NPHP4: variants seen among roughly 807,000 people sequenced by gnomAD.
NPHP4 encodes the protein nephrocystin-4.
In NPHP4, 151 loss-of-function variants were observed where a neutral mutation model predicts 155.8. The ratio of observed to expected loss-of-function variants is 0.97; its 90% CI spans 0.85 to 1.11. The LOEUF is 1.11. Ranked by LOEUF, NPHP4 falls within the 50% of genes least tolerant of loss-of-function variation. The pLI is 0.00. For synonymous variants in NPHP4, 845 were observed against 816.8 expected (o/e 1.03, Z -0.59); for missense variants, 1,956 against 1,925.7 (o/e 1.02, Z -0.29).
intron 9 of NPHP4, among the ~76,000 whole-genome samples, chr1:5,937,615 G>C (rs1395463020): frequency 6.6e-6 from 1 of 152,112 alleles, no homozygotes; most frequent in Admixed American, 6.5e-5. Context: ...CGTTCTCTGG[G>C]TAATGACAGG....
At chr1:5,914,257 C>CAAAAAA (rs575438284) in intron 11 of NPHP4, among the ~76,000 whole-genome samples, 1,997 of 47,372 alleles carry the variant, frequency 0.042, 360 homozygotes, top group South Asian at 0.069. Flanking sequence ...CTTATCTATA[C>CAAAAAA]AAAAAAAAAA....
At chr1:5,879,627 C>T in intron 19 of NPHP4, 1 of 519,084 alleles carries the variant, frequency 1.9e-6, no homozygotes, top group South Asian at 1.4e-5. Context: ...GCCTGCAGAG[C>T]CCAGCCTAGA....
chr1:5,947,985 C>T, intron 8 of NPHP4, 85 bp downstream of exon 8: 3 of 1,078,902 alleles, frequency 2.8e-6, no homozygotes, highest in Non-Finnish European at 1.4e-6. Flanking sequence ...GTGGGTGAGT[C>T]AACACCTGAC....
chr1:5,935,632 T>C (rs1053701871), intron 9 of NPHP4, among the ~76,000 whole-genome samples: 2 of 152,126 alleles, frequency 1.3e-5, no homozygotes, highest in Admixed American at 6.5e-5. Flanking sequence ...CCCAGCACTT[T>C]GGGAGGTCGA....
At chr1:5,873,609 G>A in intron 22 of NPHP4, 1 of 534,548 alleles carries the variant, frequency 1.9e-6, no homozygotes, top group South Asian at 2.4e-5. Flanking sequence ...CCCATCCCAA[G>A]AGCCAGCATG....
rs142163888 is a variant in NPHP4, at chr1:5,939,000, G to C, written c.1120-5671C>G. 3.7e-3 allele frequency among the ~76,000 whole-genome samples: 560 copies of C among 152,236 alleles called. 1 individual carries two copies. Among genetic ancestry groups the C allele is most frequent in the African/African-American group, 0.012 (516 of 41,524 alleles). On this transcript the variant is annotated intron_variant, in intron 9 of 29. Transcript: ENST00000378156. ...GAAATACCACTACTAAAAACATAAT[G>C]CTATAAATAGAATGATGTCTTTTGT...
chr1:5,927,836 C>T (rs376152667), intron 10 of NPHP4, 49 bp from the exon 11 acceptor site: 105 of 1,558,916 alleles, frequency 6.7e-5, no homozygotes, highest in Non-Finnish European at 8.9e-5. Context: ...CATCAGCACG[C>T]CTATCAGAAC....
intron 9 of NPHP4, among the ~76,000 whole-genome samples, chr1:5,938,043 C>A (rs12065728): frequency 6.6e-6 from 1 of 152,168 alleles, no homozygotes; most frequent in African/African-American, 2.4e-5. Context: ...ACCATACAGG[C>A]GCAGGAAACA....
chr1:5,922,334 T>C (rs1386180115), intron 11 of NPHP4, among the ~76,000 whole-genome samples: 1 of 152,236 alleles, frequency 6.6e-6, no homozygotes, highest in African/African-American at 2.4e-5. Context: ...CGTCACTAAT[T>C]TGTTGTAACA....
chr1:5,873,965 CTCACA>C (rs979285973), intron 22 of NPHP4: 23 of 217,846 alleles, frequency 1.1e-4, no homozygotes, highest in Admixed American at 5.0e-4. Flanking sequence ...GCACACACAC[CTCACA>C]TATCGCCCCT....
intron 1 of NPHP4, among the ~76,000 whole-genome samples, chr1:5,988,927 G>A (rs926266593): frequency 6.6e-6 from 1 of 152,170 alleles, no homozygotes; most frequent in Non-Finnish European, 1.5e-5. Flanking sequence ...GACTCAGTCT[G>A]GTCCTGTGTG....
intron 6 of NPHP4, among the ~76,000 whole-genome samples, chr1:5,953,489 C>T (rs1203549816): frequency 1.3e-5 from 2 of 152,196 alleles, no homozygotes; most frequent in African/African-American, 4.8e-5. Context: ...GCCTGCTGCC[C>T]GGCATGGCTT....
At chr1:5,950,979 G>A (rs540586861) in intron 7 of NPHP4, among the ~76,000 whole-genome samples, 5 of 152,306 alleles carry the variant, frequency 3.3e-5, no homozygotes, top group South Asian at 2.1e-4. Flanking sequence ...CCTCCCACGG[G>A]AGCATGGTCT....
rs1427373185 is a variant in NPHP4 at position 5,867,997 on chromosome 1, C to T, written c.3316-101G>A. The T allele has an allele frequency of 7.8e-7, 1 of 1,283,834 alleles. No individual in the cohort carries two copies. Among genetic ancestry groups the T allele is most frequent in the Non-Finnish European group, 1.1e-6 (1 of 888,232 alleles). 79.5% of individuals were successfully genotyped at this position (1,283,834 alleles called of 1,614,324 possible). On this transcript the variant is annotated intron_variant, in intron 23 of 29. Coordinates refer to ENST00000378156, the MANE Select transcript of NPHP4 (RefSeq NM_015102.5). The surrounding 1 kb of genome is among the most constrained non-coding windows in gnomAD (Gnocchi z 4.1). Reference sequence around the variant, plus strand: ...CACGTATCTCCACTGTTGCCAAGACCCCCTCACCCTCCACTGCCATGAGCG... The same window carrying T: ...CACGTATCTCCACTGTTGCCAAGACTCCCTCACCCTCCACTGCCATGAGCG...
chr1:5,935,861 T>C (rs1389977581), intron 9 of NPHP4, among the ~76,000 whole-genome samples: 1 of 152,090 alleles, frequency 6.6e-6, no homozygotes, highest in Admixed American at 6.5e-5. Flanking sequence ...GGCGACAGAG[T>C]GAGACTCCAT....
intron 2 of NPHP4, among the ~76,000 whole-genome samples, chr1:5,981,580 C>A (rs767155960): frequency 6.6e-6 from 1 of 152,202 alleles, no homozygotes; most frequent in African/African-American, 2.4e-5. Flanking sequence ...ACACCTTTCA[C>A]AGGGAAGCAA....
In NPHP4 at chr1:5,967,324, G is replaced by A. The variant is rs863224422; in HGVS notation, c.492C>T (p.His164=). 14 of 1,607,456 alleles carry A rather than the reference G, an allele frequency of 8.7e-6. No homozygotes were observed. The highest frequency in any genetic ancestry group is 4.0e-5 in the African/African-American group (3 of 74,880). ...GCTCTGCGGGGTCCTGGAGAAGCGG[G>A]TGCAGGAGGGCTCTGGGGGTGCCAT... is the stretch of plus-strand genomic sequence containing the variant. ...LYHGTPRALL[H]PLLQDPAEQN... Residue 164 remains histidine, a synonymous_variant, in exon 5 of 30, where the codon CAC becomes CAT. Coordinates refer to ENST00000378156, the MANE Select transcript of NPHP4 (RefSeq NM_015102.5).
At chr1:5,970,178 T>G (rs1652305038) in intron 3 of NPHP4, among the ~76,000 whole-genome samples, 1 of 152,142 alleles carries the variant, frequency 6.6e-6, no homozygotes, top group South Asian at 2.1e-4. Flanking sequence ...GCTTTTCTAT[T>G]GCGTTAAATT....
At chr1:5,936,976 G>C (rs975065116) in intron 9 of NPHP4, among the ~76,000 whole-genome samples, 2 of 152,188 alleles carry the variant, frequency 1.3e-5, no homozygotes, top group Non-Finnish European at 2.9e-5. Context: ...AGACACAGAG[G>C]GAGACACAGA....
Sources: allele counts gnomAD v4.1 joint callset (sites outside exome capture counted in the v4.1 genomes callset), GRCh38; gene constraint gnomAD v4.1.1; non-coding constraint Gnocchi (gnomAD v3.1); transcripts MANE v1.5; gene names NCBI Gene and HGNC (gene_info 2026-07-23, HGNC 2026-07-21).